Variants in CNTNAP2 observed in about 807,000 individuals in gnomAD.
CNTNAP2 encodes contactin-associated protein-like 2.
In CNTNAP2, 98 loss-of-function variants were observed where a neutral mutation model predicts 155.2. That is an observed-to-expected ratio of 0.63 (90% CI 0.54 to 0.75). CNTNAP2 has a LOEUF of 0.75. CNTNAP2 is among the 30% of genes least tolerant of loss of function. The pLI, the probability that CNTNAP2 is intolerant of heterozygous loss-of-function variation, is 0.00. For synonymous variants in CNTNAP2, 651 were observed against 631.2 expected (o/e 1.03, Z -0.47); for missense variants, 1,727 against 1,688.1 (o/e 1.02, Z -0.40).
chr7:147,995,716 T>C (rs542570813), intron 15 of CNTNAP2, among the ~76,000 whole-genome samples: 1 of 152,190 alleles, frequency 6.6e-6, no homozygotes, highest in South Asian at 2.1e-4. Flanking sequence ...GGTTTCACCA[T>C]GTTAGCCAGG....
At chr7:147,235,241 T>A (rs1382242631) in intron 8 of CNTNAP2, among the ~76,000 whole-genome samples, 1 of 152,072 alleles carries the variant, frequency 6.6e-6, no homozygotes, top group Non-Finnish European at 1.5e-5. Context: ...CTTTCCTGGG[T>A]CTCCAGCTTT....
At chr7:147,837,803 G>C (rs180897021) in intron 13 of CNTNAP2, among the ~76,000 whole-genome samples, 10 of 152,314 alleles carry the variant, frequency 6.6e-5, no homozygotes, top group African/African-American at 2.4e-4. Flanking sequence ...TTTGACTCCA[G>C]GTCTCACATC....
intron 1 of CNTNAP2, among the ~76,000 whole-genome samples, chr7:146,476,228 A>G (rs1315659308): frequency 6.6e-6 from 1 of 152,154 alleles, no homozygotes; most frequent in Non-Finnish European, 1.5e-5. Flanking sequence ...TACAAGAACA[A>G]ATTTAGAGTA....
At chr7:146,187,906 A>G (rs1798646605) in intron 1 of CNTNAP2, among the ~76,000 whole-genome samples, 1 of 152,156 alleles carries the variant, frequency 6.6e-6, no homozygotes, top group Non-Finnish European at 1.5e-5. Flanking sequence ...ATACGTTTCT[A>G]TTGCTAACCT....
chr7:147,462,039 A>G (rs997083310), intron 10 of CNTNAP2, among the ~76,000 whole-genome samples: 4 of 152,162 alleles, frequency 2.6e-5, no homozygotes, highest in Admixed American at 1.3e-4. Context: ...ACAATTTACC[A>G]TGCTGCTAAA....
chr7:148,029,690 T>C (rs1046931102), intron 15 of CNTNAP2, among the ~76,000 whole-genome samples: 2 of 152,230 alleles, frequency 1.3e-5, no homozygotes, highest in African/African-American at 4.8e-5. Context: ...TATAATACCT[T>C]GACTCGATGG....
At chr7:147,906,074 G>A (rs1308389531) in intron 14 of CNTNAP2, among the ~76,000 whole-genome samples, 1 of 152,174 alleles carries the variant, frequency 6.6e-6, no homozygotes, top group Non-Finnish European at 1.5e-5. Flanking sequence ...AAGCATGACG[G>A]AGCTGGGCCA....
intron 13 of CNTNAP2, among the ~76,000 whole-genome samples, chr7:147,864,442 T>C (rs369122934): frequency 0.018 from 2,729 of 151,532 alleles, 79 homozygotes; most frequent in African/African-American, 0.063. Flanking sequence ...AACTTTAAAG[T>C]AGTTTTTTCC....
At chr7:147,102,296 A>AAAAAAAAAT (rs1428263440) in intron 4 of CNTNAP2, among the ~76,000 whole-genome samples, 1 of 151,558 alleles carries the variant, frequency 6.6e-6, no homozygotes, top group Non-Finnish European at 1.5e-5. Flanking sequence ...AAAAAAAAAA[A>AAAAAAAAAT]AGAAGCTCAA....
chr7:148,029,174 T>G (rs1802424707), intron 15 of CNTNAP2, among the ~76,000 whole-genome samples: 2 of 152,216 alleles, frequency 1.3e-5, no homozygotes. Context: ...CATTCGTAAA[T>G]TTCCCTTTTT....
intron 1 of CNTNAP2, among the ~76,000 whole-genome samples, chr7:146,674,188 A>C (rs1380634715): frequency 6.6e-6 from 1 of 152,182 alleles, no homozygotes; most frequent in Non-Finnish European, 1.5e-5. Context: ...AAAATCTTCA[A>C]AAATCTAAGT....
In CNTNAP2 at chr7:148,417,577, A is replaced by G. The variant is rs776836997; in HGVS notation, c.*1961A>G. ...ATATCAGAACAATGTAACATTTACA[A>G]ATGACATATTGAAAGCAAAGGCTGT... On this transcript the variant is annotated 3_prime_UTR_variant, in exon 24 of 24. Coordinates refer to ENST00000361727, the MANE Select transcript of CNTNAP2 (RefSeq NM_014141.6). 2.0e-5 allele frequency: 3 copies of G among 152,308 alleles called. No homozygotes were observed. The highest frequency in any genetic ancestry group is 4.4e-5 in the Non-Finnish European group (3 of 68,048). 9.4% of individuals were successfully genotyped at this position (152,308 alleles called of 1,614,324 possible). A position where few individuals can be genotyped will look rare whatever the true frequency, so the allele number is the denominator to read the frequency against.
intron 10 of CNTNAP2, among the ~76,000 whole-genome samples, chr7:147,443,177 G>C (rs1364705227): frequency 1.3e-5 from 2 of 152,174 alleles, no homozygotes; most frequent in African/African-American, 4.8e-5. Context: ...AGTGAGGCTT[G>C]TGGGAACTCA....
At chr7:148,163,901 C>T (rs1486535721) in intron 17 of CNTNAP2, among the ~76,000 whole-genome samples, 1 of 152,200 alleles carries the variant, frequency 6.6e-6, no homozygotes, top group Non-Finnish European at 1.5e-5. Flanking sequence ...TTATATTTTA[C>T]ACACCTGCAC....
chr7:148,353,865 C>G (rs1049815460), intron 21 of CNTNAP2, among the ~76,000 whole-genome samples: 2 of 152,210 alleles, frequency 1.3e-5, no homozygotes, highest in Middle Eastern at 3.4e-3. Context: ...AAAAGTAAAC[C>G]AAAAATTCCA....
At position 147,848,903 on chromosome 7, in the gene CNTNAP2, G is replaced by GT. The variant is rs965566557; in HGVS notation, c.2099-54653dup. Among the ~76,000 whole-genome samples, 454 of 149,906 alleles carry GT rather than the reference G, an allele frequency of 3.0e-3. 1 individual carries two copies. The highest frequency in any genetic ancestry group is 6.8e-3 in the Middle Eastern group (2 of 294). On this transcript the variant is annotated intron_variant, in intron 13 of 23. Transcript: ENST00000361727. ...ACAGTTTGGGAGGAATTTTAATTTTGTTTTTTTTTCTCAAATAGTGAGATC... is the reference window on the plus strand; with the variant it reads ...ACAGTTTGGGAGGAATTTTAATTTTGTTTTTTTTTTCTCAAATAGTGAGATC...
At chr7:146,434,251 A>G (rs12703814) in intron 1 of CNTNAP2, among the ~76,000 whole-genome samples, 37,832 of 152,074 alleles carry the variant, frequency 0.25, 5,288 homozygotes, top group Admixed American at 0.4. Context: ...GTTCTACTCA[A>G]TAAAGTGACA....
intron 2 of CNTNAP2, among the ~76,000 whole-genome samples, chr7:146,815,617 G>A (rs992220002): frequency 6.6e-6 from 1 of 152,030 alleles, no homozygotes; most frequent in Non-Finnish European, 1.5e-5. Flanking sequence ...TATGGAGTGA[G>A]GAAACTTATT....
chr7:146,253,774 A>G (rs1338466123), intron 1 of CNTNAP2, among the ~76,000 whole-genome samples: 2 of 152,202 alleles, frequency 1.3e-5, no homozygotes, highest in Non-Finnish European at 2.9e-5. Context: ...AAAACATAGT[A>G]GGCTGAGCAT....
Sources: gnomAD v4.1 joint callset for allele counts (sites outside exome capture counted in the v4.1 genomes callset) on GRCh38, gnomAD v4.1.1 for gene constraint, MANE v1.5 for transcripts, NCBI Gene and HGNC (gene_info 2026-07-23, HGNC 2026-07-21) for gene names.